PDE10A: variants seen among roughly 807,000 people sequenced by gnomAD.
The protein encoded by PDE10A is cAMP and cAMP-inhibited cGMP 3',5'-cyclic phosphodiesterase 10A.
A neutral mutation model predicts 97.7 loss-of-function variants in PDE10A; 39 were observed. The observed-to-expected ratio is 0.40, with a 90% CI of 0.31 to 0.52. The LOEUF is 0.52. PDE10A is among the 20% of genes least tolerant of loss of function. PDE10A has a pLI of 0.56. For synonymous variants in PDE10A, 371 were observed against 376.8 expected, an observed-to-expected ratio of 0.98 and a Z score of 0.18; for missense variants, 731 against 1,047.8, an observed-to-expected ratio of 0.70 and a Z score of 4.17.
At chr6:165,536,688 G>A (rs1486865810) in intron 2 of PDE10A, among the ~76,000 whole-genome samples, 2 of 151,350 alleles carry the variant, frequency 1.3e-5, no homozygotes, top group Non-Finnish European at 3.0e-5. Flanking sequence ...ATACCCAACA[G>A]GTATATGAAA....
At chr6:165,587,317 C>T (rs759664376) in intron 1 of PDE10A, among the ~76,000 whole-genome samples, 2 of 152,084 alleles carry the variant, frequency 1.3e-5, no homozygotes, top group Non-Finnish European at 2.9e-5. Context: ...GCAATTAGAA[C>T]GATACAAGGA....
intron 1 of PDE10A, among the ~76,000 whole-genome samples, chr6:165,668,837 A>G (rs1790567342): frequency 6.6e-6 from 1 of 152,054 alleles, no homozygotes; most frequent in Non-Finnish European, 1.5e-5. Context: ...GTTCTTTCAC[A>G]TGGGTGAAGT....
In PDE10A at chr6:165,455,678, T is replaced by A. The variant is rs1405539867; in HGVS notation, c.1024-5316A>T. ...AGAGGTTCTCTTAGGTTGTGTGTAT[T>A]CCCTTCTCAGGTCTGCTGCCTTCCT... is the stretch of plus-strand genomic sequence containing the variant. On this transcript the variant is annotated intron_variant, in intron 3 of 21. Coordinates refer to ENST00000539869, the MANE Select transcript of PDE10A (RefSeq NM_001385079.1). Among the ~76,000 whole-genome samples the A allele has an allele frequency of 2.6e-5, 4 of 152,308 alleles. 1 individual carries two copies. The South Asian group carries it at 8.3e-4, about 32-fold the overall frequency.
intron 1 of PDE10A, among the ~76,000 whole-genome samples, chr6:165,866,693 C>T (rs886384026): frequency 9.9e-4 from 145 of 147,028 alleles, no homozygotes; most frequent in African/African-American, 3.4e-3. Flanking sequence ...AGAGTCAGTT[C>T]TTTCATAAGA....
At chr6:165,623,843 AC>A (rs1324264010) in intron 1 of PDE10A, among the ~76,000 whole-genome samples, 2 of 151,880 alleles carry the variant, frequency 1.3e-5, no homozygotes, top group African/African-American at 4.8e-5. Context: ...ATTCTTTAAC[AC>A]CTCTGAAATA....
chr6:165,486,854 G>A (rs527651465), intron 2 of PDE10A, among the ~76,000 whole-genome samples: 5 of 152,252 alleles, frequency 3.3e-5, no homozygotes, highest in South Asian at 2.1e-4. Flanking sequence ...TGTTCAAGTC[G>A]GCAGATAAAG....
chr6:165,638,939 C>T lies in PDE10A; in HGVS notation c.865+23008G>A, dbSNP rs138501802. On this transcript the variant is annotated intron_variant, in intron 1 of 21. Coordinates refer to ENST00000539869, the MANE Select transcript of PDE10A (RefSeq NM_001385079.1). Reference sequence around the variant, plus strand: ...CTGTGTCCTCCAGATTTTGTAATGACGCCCTAACAATGCTGATTTTTATAG... The same window carrying T: ...CTGTGTCCTCCAGATTTTGTAATGATGCCCTAACAATGCTGATTTTTATAG... Among the ~76,000 whole-genome samples, 42 of 152,094 alleles carry T rather than the reference C, an allele frequency of 2.8e-4. No homozygotes were observed. The East Asian group carries it at 4.1e-3, about 15-fold the overall frequency.
chr6:165,331,275 T>C lies in PDE10A; in HGVS notation c.*1750A>G, dbSNP rs1470025735. On this transcript the variant is annotated 3_prime_UTR_variant, in exon 22 of 22. Coordinates refer to ENST00000539869, the MANE Select transcript of PDE10A (RefSeq NM_001385079.1). ...AGTGGTACTTCTCTCTCTTTTGTTA[T>C]TACATTTTACCTCATAGTGTATAAT... 1.3e-5 allele frequency: 2 copies of C among 152,234 alleles called. No individual in the cohort carries two copies. Among genetic ancestry groups the C allele is most frequent in the Non-Finnish European group, 2.9e-5 (2 of 68,032 alleles). 9.4% of individuals were successfully genotyped at this position (152,234 alleles called of 1,614,324 possible).
chr6:165,539,333 C>A (rs1783282862), intron 2 of PDE10A, among the ~76,000 whole-genome samples: 1 of 152,174 alleles, frequency 6.6e-6, no homozygotes, highest in Admixed American at 6.5e-5. Flanking sequence ...GAATTTAGAT[C>A]TTTGAGGAGT....
chr6:165,866,709 T>G (rs1382259960), intron 1 of PDE10A, among the ~76,000 whole-genome samples: 1 of 142,316 alleles, frequency 7.0e-6, no homozygotes, highest in African/African-American at 2.6e-5. Context: ...TAAGAGAATA[T>G]AAGAGAATCT....
intron 1 of PDE10A, among the ~76,000 whole-genome samples, chr6:165,789,427 A>T (rs1778585370): frequency 6.6e-6 from 1 of 152,202 alleles, no homozygotes; most frequent in African/African-American, 2.4e-5. Context: ...CCTTAAAACC[A>T]TCTGTGAAGC....
At chr6:165,602,307 T>C (rs1009458002) in intron 1 of PDE10A, among the ~76,000 whole-genome samples, 4 of 152,174 alleles carry the variant, frequency 2.6e-5, no homozygotes, top group African/African-American at 7.2e-5. Flanking sequence ...CATGCCTCTT[T>C]CTCAACCAAG....
chr6:165,355,259 G>C (rs1782953633), intron 18 of PDE10A, among the ~76,000 whole-genome samples: 1 of 152,062 alleles, frequency 6.6e-6, no homozygotes, highest in Non-Finnish European at 1.5e-5. Flanking sequence ...TAAATTTGAA[G>C]GATATTAGTG....
intron 3 of PDE10A, among the ~76,000 whole-genome samples, chr6:165,457,545 G>A (rs964213005): frequency 1.3e-5 from 2 of 152,032 alleles, no homozygotes; most frequent in Admixed American, 1.3e-4. Context: ...ACATTGTCAA[G>A]CTATATGTAT....
intron 1 of PDE10A, among the ~76,000 whole-genome samples, chr6:165,830,598 C>T (rs1779882010): frequency 6.6e-6 from 1 of 152,146 alleles, no homozygotes; most frequent in Admixed American, 6.5e-5. Flanking sequence ...CCCACAAGAC[C>T]AGACGCTGAA....
chr6:165,348,658 G>T (rs993013277), intron 18 of PDE10A, among the ~76,000 whole-genome samples: 6 of 152,076 alleles, frequency 3.9e-5, no homozygotes, highest in African/African-American at 1.2e-4. Flanking sequence ...CCTTTCATAA[G>T]CTAGAATTAA....
intron 2 of PDE10A, among the ~76,000 whole-genome samples, chr6:165,526,498 T>C (rs1004957208): frequency 6.6e-6 from 1 of 152,132 alleles, no homozygotes; most frequent in Admixed American, 6.5e-5. Context: ...AGAAAAATAG[T>C]AAATCAAAAA....
chr6:165,719,658 AG>A (rs1792117260), intron 1 of PDE10A, among the ~76,000 whole-genome samples: 1 of 152,198 alleles, frequency 6.6e-6, no homozygotes, highest in Non-Finnish European at 1.5e-5. Flanking sequence ...GGTGGGTGGT[AG>A]GGCAGACGCT....
At chr6:165,787,176 G>T (rs1217391927) in intron 1 of PDE10A, among the ~76,000 whole-genome samples, 1 of 151,704 alleles carries the variant, frequency 6.6e-6, no homozygotes, top group African/African-American at 2.4e-5. Context: ...AGTACTATAG[G>T]TTAAAATGAT....
Sources: allele counts gnomAD v4.1 joint callset (sites outside exome capture counted in the v4.1 genomes callset), GRCh38; gene constraint gnomAD v4.1.1; transcripts MANE v1.5; gene names NCBI Gene and HGNC (gene_info 2026-07-23, HGNC 2026-07-21).